The following SEC23B variants were observed in gnomAD, a reference collection of about 807,000 sequenced individuals.
SEC23B encodes protein transport protein Sec23B.
In SEC23B, 77 loss-of-function variants were observed where a neutral mutation model predicts 104.3. The observed-to-expected ratio is 0.74, with a 90% CI of 0.61 to 0.89. The LOEUF is 0.89. Among genes scored for constraint, SEC23B ranks in the 40% least tolerant of loss-of-function variants. SEC23B has a pLI of 0.00. For missense variants in SEC23B, 885 were observed against 949.4 expected (o/e 0.93, Z 0.89); for synonymous variants, 338 against 332.5 (o/e 1.02, Z -0.18).
At chr20:18,525,101 G>A in intron 6 of SEC23B, 81 bp downstream of exon 6, 1 of 1,189,050 alleles carries the variant, frequency 8.4e-7, no homozygotes. Context: ...AAAAATATTA[G>A]AATTTGTATT....
Position 18,527,751 on chromosome 20 carries a change from G to A in SEC23B, c.1109+140G>A, listed in dbSNP as rs950615921. On this transcript the variant is annotated intron_variant, in intron 9 of 19. Transcript: ENST00000650089. ...CTGGGCTATGGTTTCAGTGACTGGGGAGGGCCTGTGGGCTCCTTGGAGAGG... is the reference window on the plus strand; with the variant it reads ...CTGGGCTATGGTTTCAGTGACTGGGAAGGGCCTGTGGGCTCCTTGGAGAGG... 4.0e-6 allele frequency: 3 copies of A among 757,466 alleles called. No individual in the cohort carries two copies. In the Admixed American group the frequency reaches 5.3e-5, roughly 13 times the overall value. The allele number at this position is 757,466 out of a possible 1,614,324, so 46.9% of individuals were successfully genotyped here. A position where few individuals can be genotyped will look rare whatever the true frequency, so the allele number is the denominator to read the frequency against.
chr20:18,525,389 C>G (rs564465502), intron 6 of SEC23B, among the ~76,000 whole-genome samples: 1 of 152,304 alleles, frequency 6.6e-6, no homozygotes, highest in South Asian at 2.1e-4. Flanking sequence ...CTGAAGACAA[C>G]CTCTTACTTT....
At chr20:18,513,668 G>A (rs190455780) in intron 3 of SEC23B, among the ~76,000 whole-genome samples, 9 of 152,290 alleles carry the variant, frequency 5.9e-5, no homozygotes, top group Non-Finnish European at 1.2e-4. Context: ...CCATAGGTTC[G>A]GAAACTATAA....
At position 18,542,501 on chromosome 20, in the gene SEC23B, G is replaced by A. The variant is rs147633561; in HGVS notation, c.1511+99G>A. 5,943 of 1,203,048 alleles carry A rather than the reference G, an allele frequency of 4.9e-3. 20 individuals are homozygous for A. Among genetic ancestry groups the A allele is most frequent in the Middle Eastern group, 7.2e-3 (38 of 5,298 alleles). 74.5% of individuals were successfully genotyped at this position (1,203,048 alleles called of 1,614,324 possible). A position where few individuals can be genotyped will look rare whatever the true frequency, so the allele number is the denominator to read the frequency against. ...GTTAGTTTGTCTTTTTGATTCCATT[G>A]AATGGTTCTCACCAGACCTCATTAG... On this transcript the variant is annotated intron_variant, in intron 13 of 19. Transcript: ENST00000650089.
chr20:18,548,421 A>C (rs1443058757), intron 15 of SEC23B, among the ~76,000 whole-genome samples, 188 bp from the exon 16 acceptor site: 1 of 152,200 alleles, frequency 6.6e-6, no homozygotes, highest in Non-Finnish European at 1.5e-5. Context: ...CTCTGTGCTC[A>C]TTAAGCAACA....
At chr20:18,545,170 C>T (rs369651582) in intron 14 of SEC23B, among the ~76,000 whole-genome samples, 3 of 152,054 alleles carry the variant, frequency 2.0e-5, no homozygotes, top group East Asian at 3.9e-4. Context: ...CCATCTGGCT[C>T]TAGTGTTCAT....
chr20:18,539,706 A>G (rs2148913461), intron 12 of SEC23B, among the ~76,000 whole-genome samples: 1 of 143,260 alleles, frequency 7.0e-6, no homozygotes, highest in Admixed American at 7.2e-5. Context: ...GTGCAGTGGC[A>G]CCATCTCAGC....
At chr20:18,514,882 G>A (rs1031713982) in intron 3 of SEC23B, among the ~76,000 whole-genome samples, 5 of 152,162 alleles carry the variant, frequency 3.3e-5, no homozygotes, top group African/African-American at 4.8e-5. Flanking sequence ...CATTCCGTAT[G>A]TATTACTTTA....
chr20:18,523,364 C>A (rs1371141575), intron 4 of SEC23B, among the ~76,000 whole-genome samples: 1 of 147,350 alleles, frequency 6.8e-6, no homozygotes, highest in Non-Finnish European at 1.5e-5. Context: ...ACATTACTTT[C>A]TTTTTCTTTC....
At chr20:18,557,745 C>CTTTTTTTTTTTTTTTTTTTTTT (rs11477198) in intron 19 of SEC23B, among the ~76,000 whole-genome samples, 20 of 116,822 alleles carry the variant, frequency 1.7e-4, no homozygotes, top group East Asian at 4.9e-4. Flanking sequence ...TTTTTCTTTT[C>CTTTTTTTTTTTTTTTTTTTTTT]TTTTTTTTTT....
At chr20:18,555,242 A>C in intron 19 of SEC23B, 69 bp downstream of exon 19, 1 of 1,301,118 alleles carries the variant, frequency 7.7e-7, no homozygotes, top group Non-Finnish European at 1.1e-6. Flanking sequence ...TTAAAATTCT[A>C]CAAATTGGAT....
chr20:18,531,575 G>A (rs1371039363), intron 10 of SEC23B, among the ~76,000 whole-genome samples: 1 of 146,628 alleles, frequency 6.8e-6, no homozygotes, highest in East Asian at 2.1e-4. Context: ...AGAATGGCTT[G>A]TACGTAGGAG....
At position 18,554,752 on chromosome 20, in the gene SEC23B, G is replaced by A. The variant is rs187116788; in HGVS notation, c.2149-356G>A. 5.3e-3 allele frequency among the ~76,000 whole-genome samples: 805 copies of A among 151,678 alleles called. 9 individuals are homozygous for A. Among genetic ancestry groups the A allele is most frequent in the African/African-American group, 0.018 (760 of 41,334 alleles). On this transcript the variant is annotated intron_variant, in intron 18 of 19. Transcript: ENST00000650089. Reference sequence around the variant, plus strand: ...TGAGGCAGAAGAATGGCGTGAACCCGGGAGGCAGAGCTTGCAGTGAGCTGA... The same window carrying A: ...TGAGGCAGAAGAATGGCGTGAACCCAGGAGGCAGAGCTTGCAGTGAGCTGA...
chr20:18,552,130 T>C lies in SEC23B; in HGVS notation c.1992+955T>C, dbSNP rs889910799. Reference sequence around the variant, plus strand: ...CAGTGATGCTTTTTCTTCTATTGTATGATCTCTACCTTCTTAAATTGGTTA... The same window carrying C: ...CAGTGATGCTTTTTCTTCTATTGTACGATCTCTACCTTCTTAAATTGGTTA... On this transcript the variant is annotated intron_variant, in intron 17 of 19. Coordinates refer to ENST00000650089, the MANE Select transcript of SEC23B (RefSeq NM_006363.6). Among the ~76,000 whole-genome samples, 8 of 152,058 alleles carry C rather than the reference T, an allele frequency of 5.3e-5. No homozygotes were observed. In the East Asian group the frequency reaches 1.3e-3, roughly 26 times the overall value.
chr20:18,529,074 A>G (rs1277321707), intron 9 of SEC23B, among the ~76,000 whole-genome samples: 1 of 152,194 alleles, frequency 6.6e-6, no homozygotes, highest in Non-Finnish European at 1.5e-5. Context: ...TGAATTGGAG[A>G]TGTTTGAAGA....
chr20:18,554,995 A>G, intron 18 of SEC23B, 113 bp from the exon 19 acceptor site: 1 of 472,020 alleles, frequency 2.1e-6, no homozygotes, highest in Non-Finnish European at 3.6e-6. Context: ...TGTGCAGTAA[A>G]ACAATTCTAA....
intron 4 of SEC23B, among the ~76,000 whole-genome samples, chr20:18,522,184 A>G (rs900378817): frequency 6.6e-6 from 1 of 152,182 alleles, no homozygotes; most frequent in South Asian, 2.1e-4. Flanking sequence ...ATGGGCTGCA[A>G]TGTGGGTGAG....
At chr20:18,530,637 T>C (rs1400733775) in intron 9 of SEC23B, 43 bp from the exon 10 acceptor site, 2 of 1,607,542 alleles carry the variant, frequency 1.2e-6, no homozygotes, top group Non-Finnish European at 1.7e-6. Flanking sequence ...TGAATGGCTT[T>C]CAATCTTCCT....
At position 18,530,741 on chromosome 20, in the gene SEC23B, A is replaced by C; in HGVS notation, c.1171A>C (p.Ile391Leu). ...TCTCTTCAAGCAGACATTCCAAAGA[A>C]TCTTTACTAAAGATTTTAATGGAGA... is the stretch of plus-strand genomic sequence containing the variant. ...TSLFKQTFQR[I>L]FTKDFNGDFR... is the part of the protein sequence containing the mutation. Residue 391 changes from isoleucine to leucine, a missense_variant, in exon 10 of 20, where the codon ATC (isoleucine) becomes CTC (leucine). Ile to Leu is a conservative substitution (Grantham distance 5). Transcript: ENST00000650089. 1 of 1,613,632 alleles carries C rather than the reference A, an allele frequency of 6.2e-7. No homozygotes were observed. Among genetic ancestry groups the C allele is most frequent in the Non-Finnish European group, 8.5e-7 (1 of 1,179,640 alleles).
Sources: gnomAD v4.1 joint callset for allele counts (sites outside exome capture counted in the v4.1 genomes callset) on GRCh38, gnomAD v4.1.1 for gene constraint, MANE v1.5 for transcripts, NCBI Gene and HGNC (gene_info 2026-07-23, HGNC 2026-07-21) for gene names.